The following ANK2 variants were observed in gnomAD, a reference collection of about 807,000 sequenced individuals.
The protein encoded by ANK2 is ankyrin-2.
Under a neutral mutation model 360.5 loss-of-function variants are expected in ANK2, and 83 were observed. The observed-to-expected ratio is 0.23, with a 90% CI of 0.19 to 0.28. The LOEUF is 0.28. ANK2 is among the 10% of genes least tolerant of loss of function. The pLI, the probability that ANK2 is intolerant of heterozygous loss-of-function variation, is 1.00. For synonymous variants in ANK2, 1,740 were observed against 1,759.5 expected, an observed-to-expected ratio of 0.99 and a Z score of 0.28; for missense variants, 4,201 against 4,795.7, an observed-to-expected ratio of 0.88 and a Z score of 3.66.
At chr4:112,909,051 G>T (rs1008262096) in intron 2 of ANK2, among the ~76,000 whole-genome samples, 1 of 152,226 alleles carries the variant, frequency 6.6e-6, no homozygotes, top group East Asian at 1.9e-4. Context: ...CCACTGGGAC[G>T]ACTGGAAGAA....
chr4:113,045,962 T>C (rs991127934), upstream of ANK2, among the ~76,000 whole-genome samples: 19 of 152,222 alleles, frequency 1.2e-4, no homozygotes, highest in African/African-American at 4.6e-4. Context: ...TTATATGCCA[T>C]GCACTGCAGT....
At chr4:113,344,843 T>A (rs537585487) in intron 34 of ANK2, among the ~76,000 whole-genome samples, 14 of 152,324 alleles carry the variant, frequency 9.2e-5, no homozygotes, top group African/African-American at 3.4e-4. Flanking sequence ...TGTTTTTATT[T>A]ATTTTTTTGA....
At chr4:112,820,973 G>T (rs561099048) in intron 1 of ANK2, among the ~76,000 whole-genome samples, 1 of 152,060 alleles carries the variant, frequency 6.6e-6, no homozygotes, top group African/African-American at 2.4e-5. Context: ...GTGCAATGGC[G>T]CGATCTTGGC....
At chr4:113,350,430 A>C (rs1207437287) in intron 37 of ANK2, 181 bp downstream of exon 37, 4 of 528,338 alleles carry the variant, frequency 7.6e-6, no homozygotes, top group Non-Finnish European at 1.3e-5. Flanking sequence ...AAATATACCT[A>C]ATTTGCGAGC....
the ANK2 span, among the ~76,000 whole-genome samples, chr4:112,739,940 G>C: frequency 6.6e-6 from 1 of 152,152 alleles, no homozygotes; most frequent in Admixed American, 6.5e-5. Flanking sequence ...AGACTGCAGT[G>C]AACTGTGATC....
At chr4:113,126,498 G>A (rs1365935915) in intron 1 of ANK2, among the ~76,000 whole-genome samples, 1 of 152,124 alleles carries the variant, frequency 6.6e-6, no homozygotes, top group Non-Finnish European at 1.5e-5. Context: ...CAGGTTACCT[G>A]GAAACAGTAA....
chr4:112,956,974 T>C (rs561147252), intron 2 of ANK2, among the ~76,000 whole-genome samples: 6 of 151,950 alleles, frequency 3.9e-5, no homozygotes, highest in Non-Finnish European at 7.4e-5. Context: ...CTTAAATTAT[T>C]GTATCCTCTA....
At chr4:113,106,106 G>A (rs1233357442) in intron 1 of ANK2, among the ~76,000 whole-genome samples, 2 of 152,008 alleles carry the variant, frequency 1.3e-5, no homozygotes, top group African/African-American at 4.8e-5. Context: ...ATGGCTTGAC[G>A]GAAAGGACAT....
chr4:113,253,746 A>G (rs985398801), intron 10 of ANK2, among the ~76,000 whole-genome samples: 3 of 152,054 alleles, frequency 2.0e-5, no homozygotes, highest in African/African-American at 7.2e-5. Context: ...CATCAACCCT[A>G]CCTGGAGGAC....
At chr4:112,863,643 C>T (rs2068951758) in intron 1 of ANK2, among the ~76,000 whole-genome samples, 3 of 151,462 alleles carry the variant, frequency 2.0e-5, no homozygotes. Flanking sequence ...CTGCCTCAGC[C>T]TCCCTAGTAG....
chr4:112,717,274 T>C, the ANK2 span, among the ~76,000 whole-genome samples: 2 of 152,190 alleles, frequency 1.3e-5, no homozygotes, highest in Non-Finnish European at 2.9e-5. Flanking sequence ...CTAATATATA[T>C]TGGGCTTGTG....
chr4:112,766,945 T>C, the ANK2 span, among the ~76,000 whole-genome samples: 8 of 152,196 alleles, frequency 5.3e-5, no homozygotes, highest in Admixed American at 2.0e-4. Context: ...CTACAAAATA[T>C]CACAAAAGTA....
chr4:113,176,017 G>T (rs1049928357), intron 2 of ANK2, among the ~76,000 whole-genome samples: 1 of 152,190 alleles, frequency 6.6e-6, no homozygotes, highest in African/African-American at 2.4e-5. Context: ...GGTGGTGCTC[G>T]CAGTGAGCAA....
intron 2 of ANK2, among the ~76,000 whole-genome samples, chr4:112,953,168 C>G (rs773323004): frequency 6.6e-6 from 1 of 152,168 alleles, no homozygotes; most frequent in Non-Finnish European, 1.5e-5. Context: ...ATATCTGATT[C>G]CAGAACTTAA....
intron 1 of ANK2, among the ~76,000 whole-genome samples, chr4:113,087,774 A>C (rs2085575408): frequency 6.6e-6 from 1 of 152,164 alleles, no homozygotes; most frequent in Admixed American, 6.5e-5. Context: ...ACAGTTATAC[A>C]TATAGTAACT....
chr4:113,039,285 T>A (rs2062345588), intron 2 of ANK2, among the ~76,000 whole-genome samples: 1 of 152,034 alleles, frequency 6.6e-6, no homozygotes, highest in South Asian at 2.1e-4. Context: ...TATCTTTGGT[T>A]TCCACCATTC....
chr4:113,145,227 C>T (rs779422791), intron 1 of ANK2, among the ~76,000 whole-genome samples: 3 of 152,084 alleles, frequency 2.0e-5, no homozygotes, highest in Non-Finnish European at 2.9e-5. Flanking sequence ...TTGAATATTA[C>T]ATGTTAAAAG....
At chr4:113,374,804 A>G (rs1255677344) in intron 45 of ANK2, 1 of 1,229,676 alleles carries the variant, frequency 8.1e-7, no homozygotes, top group Admixed American at 2.6e-5. Flanking sequence ...AGTACCTCAC[A>G]ATTTCAGGCT....
intron 2 of ANK2, among the ~76,000 whole-genome samples, chr4:113,019,235 A>G (rs1039241657): frequency 5.3e-5 from 8 of 152,192 alleles, no homozygotes; most frequent in African/African-American, 1.7e-4. Flanking sequence ...GTTCTTACCA[A>G]TTCTCTATCA....
Sources: gnomAD v4.1 joint callset for allele counts (sites outside exome capture counted in the v4.1 genomes callset) on GRCh38, gnomAD v4.1.1 for gene constraint, MANE v1.5 for transcripts, NCBI Gene and HGNC (gene_info 2026-07-23, HGNC 2026-07-21) for gene names.